HIGD1C: variants seen among roughly 807,000 people sequenced by gnomAD.
The protein encoded by HIGD1C is HIG1 hypoxia inducible domain family member 1C.
In HIGD1C, 11 loss-of-function variants were observed where a neutral mutation model predicts 13.1. That is an observed-to-expected ratio of 0.84 (90% CI 0.53 to 1.39). The LOEUF is 1.39. HIGD1C is among the 40% of genes most tolerant of loss of function. The probability of loss-of-function intolerance (pLI) is 0.00; values close to 1 mark genes in which losing one functional copy is unlikely to be tolerated. For synonymous variants in HIGD1C, 36 were observed against 37.7 expected, an observed-to-expected ratio of 0.95 and a Z score of 0.17; for missense variants, 110 against 112.0, an observed-to-expected ratio of 0.98 and a Z score of 0.08.
intron 1 of HIGD1C, among the ~76,000 whole-genome samples, chr12:50,957,937 GGTGTGTGTGTGTGTGT>G (rs71089717): frequency 4.0e-4 from 53 of 132,502 alleles, no homozygotes; most frequent in African/African-American, 1.0e-3. Flanking sequence ...ATGAATTGGA[GGTGTGTGTGTGTGTGT>G]GTGTGTGTGT....
downstream of HIGD1C, among the ~76,000 whole-genome samples, chr12:50,971,609 C>T (rs564770559): frequency 6.6e-6 from 1 of 152,284 alleles, no homozygotes; most frequent in South Asian, 2.1e-4. Flanking sequence ...GCTCTAACTG[C>T]CCTCAGGGTC....
At chr12:50,932,344 G>C in the HIGD1C span, 1 of 152,294 alleles carries the variant, frequency 6.6e-6, no homozygotes, top group Non-Finnish European at 1.5e-5. Flanking sequence ...ATCATCACAA[G>C]TGCCTCTGAA....
chr12:50,947,117 A>G, the HIGD1C span, among the ~76,000 whole-genome samples: 1 of 152,006 alleles, frequency 6.6e-6, no homozygotes, highest in Non-Finnish European at 1.5e-5. Flanking sequence ...CTGCAGACTT[A>G]TTTTTGTGGG....
upstream of HIGD1C, among the ~76,000 whole-genome samples, chr12:50,952,724 G>A (rs1475335255): frequency 2.6e-5 from 4 of 152,320 alleles, no homozygotes; most frequent in East Asian, 1.9e-4. Flanking sequence ...AGGTGAGCCC[G>A]GCGGGCTCTC....
chr12:50,968,649 C>T (rs1445908319), intron 2 of HIGD1C, among the ~76,000 whole-genome samples: 1 of 152,118 alleles, frequency 6.6e-6, no homozygotes, highest in Admixed American at 6.6e-5. Flanking sequence ...TCAAGTGATT[C>T]TCCTCACTTT....
chr12:50,931,300 G>A, the HIGD1C span: 1 of 151,982 alleles, frequency 6.6e-6, no homozygotes. Context: ...TTTAAAAAGG[G>A]AGCAGTGAAA....
chr12:50,934,451 A>G, the HIGD1C span, among the ~76,000 whole-genome samples: 1 of 152,232 alleles, frequency 6.6e-6, no homozygotes, highest in South Asian at 2.1e-4. Flanking sequence ...ATATAGGTTG[A>G]CTTCATTCAA....
At chr12:50,937,811 A>G in the HIGD1C span, among the ~76,000 whole-genome samples, 2 of 152,160 alleles carry the variant, frequency 1.3e-5, no homozygotes, top group Non-Finnish European at 2.9e-5. Flanking sequence ...CAGAGTGGGT[A>G]GCTGCTATCT....
At chr12:50,960,748 T>C (rs1023317057) in intron 1 of HIGD1C, among the ~76,000 whole-genome samples, 2 of 152,076 alleles carry the variant, frequency 1.3e-5, no homozygotes, top group African/African-American at 2.4e-5. Flanking sequence ...AGTGGTGCAA[T>C]CACAGCTCAC....
the HIGD1C span, among the ~76,000 whole-genome samples, chr12:50,945,625 G>T: frequency 1.3e-5 from 2 of 152,138 alleles, no homozygotes; most frequent in Admixed American, 6.5e-5. Context: ...TGGGTAGGAA[G>T]AATCAATATC....
chr12:50,968,374 A>T (rs1220048359), intron 2 of HIGD1C, among the ~76,000 whole-genome samples: 1 of 151,970 alleles, frequency 6.6e-6, no homozygotes, highest in African/African-American at 2.4e-5. Context: ...CACTCCAGTT[A>T]CACTGATTCT....
chr12:50,967,525 C>T (rs1037810875), intron 2 of HIGD1C, among the ~76,000 whole-genome samples: 7 of 152,146 alleles, frequency 4.6e-5, no homozygotes, highest in Non-Finnish European at 1.0e-4. Flanking sequence ...GAACTCCCAC[C>T]TCAGCTTCCC....
At chr12:50,952,334 T>A (rs1938926602), upstream of HIGD1C, among the ~76,000 whole-genome samples, 1 of 152,132 alleles carries the variant, frequency 6.6e-6, no homozygotes, top group South Asian at 2.1e-4. Context: ...AGACACACAG[T>A]TCTTTGTACT....
intron 2 of HIGD1C, among the ~76,000 whole-genome samples, chr12:50,961,876 A>G (rs1323224353): frequency 6.6e-6 from 1 of 152,210 alleles, no homozygotes; most frequent in East Asian, 1.9e-4. Context: ...TAATCTTATT[A>G]CTGTGAGCTG....
At chr12:50,969,334 G>A (rs1365616071) in intron 2 of HIGD1C, among the ~76,000 whole-genome samples, 1 of 151,922 alleles carries the variant, frequency 6.6e-6, no homozygotes. Flanking sequence ...CAGATTTTGA[G>A]AGGCATGCTC....
the HIGD1C span, among the ~76,000 whole-genome samples, chr12:50,945,317 T>C: frequency 9.2e-5 from 14 of 152,204 alleles, no homozygotes; most frequent in African/African-American, 1.9e-4. Context: ...AATGACATGA[T>C]TGGATATTTA....
At chr12:50,931,860 T>C in the HIGD1C span, 1 of 152,262 alleles carries the variant, frequency 6.6e-6, no homozygotes, top group East Asian at 1.9e-4. Context: ...ACAGTGCACC[T>C]GGCCGAAATA....
downstream of HIGD1C, among the ~76,000 whole-genome samples, chr12:50,971,134 C>T (rs1939745769): frequency 6.6e-6 from 1 of 152,188 alleles, no homozygotes; most frequent in South Asian, 2.1e-4. Context: ...CCCACATTGG[C>T]TTCCCAAAGT....
the HIGD1C span, among the ~76,000 whole-genome samples, chr12:50,945,988 C>T: frequency 6.6e-6 from 1 of 152,076 alleles, no homozygotes; most frequent in African/African-American, 2.4e-5. Context: ...GGAAAGGATT[C>T]CCTATTTAAT....
Sources: gnomAD v4.1 joint callset for allele counts (sites outside exome capture counted in the v4.1 genomes callset) on GRCh38, gnomAD v4.1.1 for gene constraint, MANE v1.5 for transcripts, NCBI Gene and HGNC (gene_info 2026-07-23, HGNC 2026-07-21) for gene names.